The following ABCF2 variants were observed in gnomAD, a reference collection of about 807,000 sequenced individuals.
ABCF2 encodes the protein ATP-binding cassette sub-family F member 2.
A neutral mutation model predicts 76.9 loss-of-function variants in ABCF2; 37 were observed. The observed-to-expected ratio is 0.48, with a 90% CI of 0.37 to 0.63. The LOEUF is 0.63. Ranked by LOEUF, ABCF2 falls within the 30% of genes least tolerant of loss-of-function variation. The pLI is 0.00. For missense variants in ABCF2, 524 were observed against 782.1 expected, an observed-to-expected ratio of 0.67 and a Z score of 3.94; for synonymous variants, 299 against 283.7, an observed-to-expected ratio of 1.05 and a Z score of -0.54.
chr7:151,218,850 A>G lies in ABCF2; in HGVS notation c.1041T>C (p.His347=). 6.2e-7 allele frequency: 1 copy of G among 1,613,736 alleles called. No homozygotes were observed. Among genetic ancestry groups the G allele is most frequent in the Non-Finnish European group, 8.5e-7 (1 of 1,180,004 alleles). The change falls in exon 9 of 15, where the codon CAT becomes CAC. Residue 347 remains histidine, a synonymous_variant. Coordinates refer to ENST00000287844, the MANE Select transcript of ABCF2 (RefSeq NM_007189.3). ...HMKNYIARFG[H]GSAKLARQAQ... is the part of the protein sequence containing the mutation. ...CCTGCCGGGCCAGCTTGGCACTGCC[A>G]TGACCAAACCTCGCAATGTAGTTCT...
Position 151,214,814 on chromosome 7 carries a change from C to T in ABCF2, c.1734+65G>A. On this transcript the variant is annotated intron_variant, in intron 14 of 14. Coordinates refer to ENST00000287844, the MANE Select transcript of ABCF2 (RefSeq NM_007189.3). The surrounding 1 kb of genome is among the most constrained non-coding windows in gnomAD (Gnocchi z 4.9). Reference sequence around the variant, plus strand: ...GCGGGTATTATGCACCCTCCACATGCCATGACTACCCTACCCAACCCCCTA... The same window carrying T: ...GCGGGTATTATGCACCCTCCACATGTCATGACTACCCTACCCAACCCCCTA... 1 of 1,511,486 alleles carries T rather than the reference C, an allele frequency of 6.6e-7. No homozygotes were observed. The highest frequency in any genetic ancestry group is 2.3e-5 in the East Asian group (1 of 44,270). 93.6% of individuals were successfully genotyped at this position (1,511,486 alleles called of 1,614,324 possible). A position where few individuals can be genotyped will look rare whatever the true frequency, so the allele number is the denominator to read the frequency against.
In ABCF2 at chr7:151,211,641, A is replaced by G. The variant is rs1802047067; in HGVS notation, c.*2413T>C. 1.0e-6 allele frequency: 1 copy of G among 985,298 alleles called. No individual in the cohort carries two copies. The highest frequency in any genetic ancestry group is 1.7e-5 in the African/African-American group (1 of 57,278). 61.0% of individuals were successfully genotyped at this position (985,298 alleles called of 1,614,324 possible). A position where few individuals can be genotyped will look rare whatever the true frequency, so the allele number is the denominator to read the frequency against. On this transcript the variant is annotated 3_prime_UTR_variant, in exon 15 of 15. Coordinates refer to ENST00000287844, the MANE Select transcript of ABCF2 (RefSeq NM_007189.3). ...TGGAGACTCTGGAGATCCCGAGACT[A>G]CCTGAATTCTTAGCAATATCCAGCA...
Position 151,214,255 on chromosome 7 carries a change from T to C in ABCF2, c.1735-64A>G. 3.1e-6 allele frequency: 5 copies of C among 1,611,800 alleles called. No individual in the cohort carries two copies. Among genetic ancestry groups the C allele is most frequent in the Non-Finnish European group, 4.2e-6 (5 of 1,179,074 alleles). ...CTGTCCCTGCCTCTGCCCAGCAGAC[T>C]GTCCTGAGGGGCGTCTAGGAAGAAA... On this transcript the variant is annotated intron_variant, in intron 14 of 14. Coordinates refer to ENST00000287844, the MANE Select transcript of ABCF2 (RefSeq NM_007189.3). The surrounding 1 kb of genome is among the most constrained non-coding windows in gnomAD (Gnocchi z 4.9).
At chr7:151,223,156 A>T (rs1411440633) in intron 5 of ABCF2, among the ~76,000 whole-genome samples, 1 of 152,140 alleles carries the variant, frequency 6.6e-6, no homozygotes, top group Non-Finnish European at 1.5e-5. Flanking sequence ...AACTTTCTAG[A>T]GAAGTATATC....
chr7:151,217,182 C>T (rs191366455), intron 11 of ABCF2, among the ~76,000 whole-genome samples: 1 of 152,354 alleles, frequency 6.6e-6, no homozygotes, highest in East Asian at 1.9e-4. Context: ...GCCCATCCCA[C>T]AACCCAGGGA....
intron 6 of ABCF2, 148 bp from the exon 7 acceptor site, chr7:151,221,828 G>C (rs4726007): frequency 0.7 from 435,449 of 621,566 alleles, 154,527 homozygotes; most frequent in East Asian, 0.9. Flanking sequence ...CCTAAGCCAC[G>C]ACTCGACAAT....
In ABCF2 at chr7:151,212,565, C is replaced by G; in HGVS notation, c.*1489G>C. On this transcript the variant is annotated 3_prime_UTR_variant, in exon 15 of 15. Coordinates refer to ENST00000287844, the MANE Select transcript of ABCF2 (RefSeq NM_007189.3). ...TCAGGCTGGAGTGTAGCGGCACGCT[C>G]TGCTCACTGCAGCCTCAACCTCCTG... 1 of 911,486 alleles carries G rather than the reference C, an allele frequency of 1.1e-6. No homozygotes were observed. Among genetic ancestry groups the G allele is most frequent in the Non-Finnish European group, 1.3e-6 (1 of 762,586 alleles). 56.5% of individuals were successfully genotyped at this position (911,486 alleles called of 1,614,324 possible).
intron 10 of ABCF2, 152 bp downstream of exon 10, chr7:151,218,409 G>A: frequency 1.3e-6 from 1 of 749,998 alleles, no homozygotes; most frequent in Non-Finnish European, 2.2e-6. Context: ...CCCGCGAGCA[G>A]CCTTGGATGA....
intron 3 of ABCF2, 102 bp from the exon 4 acceptor site, chr7:151,224,216 T>G (rs1802330809): frequency 1.6e-6 from 2 of 1,243,234 alleles, no homozygotes; most frequent in Non-Finnish European, 2.2e-6. Context: ...ATCCATTTTT[T>G]TTTTTTTGAG....
At chr7:151,220,979 A>G (rs933769975) in intron 7 of ABCF2, among the ~76,000 whole-genome samples, 6 of 152,376 alleles carry the variant, frequency 3.9e-5, no homozygotes, top group South Asian at 4.1e-4. Context: ...TTCTGTTTCC[A>G]GAAAAAAAGA....
chr7:151,221,565 G>A lies in ABCF2; in HGVS notation c.921+13C>T, dbSNP rs181160942. 3.2e-4 allele frequency: 480 copies of A among 1,483,424 alleles called. 2 individuals carry two copies. In the Admixed American group the frequency reaches 5.5e-3, roughly 17 times the overall value. The allele number at this position is 1,483,424 out of a possible 1,614,324, so 91.9% of individuals were successfully genotyped here. A position where few individuals can be genotyped will look rare whatever the true frequency, so the allele number is the denominator to read the frequency against. On this transcript the variant is annotated intron_variant, in intron 7 of 14. Transcript: ENST00000287844. ...TGCACAGAGATTACCAGAAGAAGCCGAGGCCCACTCACCGTATAATACTTC... is the reference window on the plus strand; with the variant it reads ...TGCACAGAGATTACCAGAAGAAGCCAAGGCCCACTCACCGTATAATACTTC...
Position 151,218,885 on chromosome 7 carries a change from CAA to C in ABCF2, c.1018-14_1018-13del, listed in dbSNP as rs771603542. On this transcript the variant is annotated splice_polypyrimidine_tract_variant and intron_variant, in intron 8 of 14. Transcript: ENST00000287844. ...CTCGCAATGTAGTTCTAAAAAAGAC[CAA>C]AGAGAGCTTGGAGTATGTGCAGGCG... 2.5e-6 allele frequency: 4 copies of C among 1,612,984 alleles called. No homozygotes were observed. The African/African-American group carries it at 5.3e-5, about 22-fold the overall frequency.
At chr7:151,224,644 C>G in intron 3 of ABCF2, 132 bp downstream of exon 3, 1 of 824,926 alleles carries the variant, frequency 1.2e-6, no homozygotes, top group Non-Finnish European at 2.0e-6. Context: ...GTTCCTTTCC[C>G]CTGGACATAA....
chr7:151,219,145 C>G lies in ABCF2; in HGVS notation c.936G>C (p.Gln312His). Reference sequence around the variant, plus strand: ...CCAGCTCTAGCCGCGTCTTCACGTACTGATCATAATTACCCTGCATGGAAA... The same window carrying G: ...CCAGCTCTAGCCGCGTCTTCACGTAGTGATCATAATTACCCTGCATGGAAA... ...KLKYYTGNYD[Q>H]YVKTRLELEE... Residue 312 changes from glutamine to histidine, a missense_variant, in exon 8 of 15, where the codon CAG (glutamine) becomes CAC (histidine). Physicochemically the swap from Gln to His is conservative, Grantham distance 24. This residue lies in a region of ABCF2 where 330 missense variants were observed against 433.6 expected (regional missense o/e 0.76). Transcript: ENST00000287844. The G allele has an allele frequency of 1.2e-6, 2 of 1,613,958 alleles. No individual in the cohort carries two copies. The highest frequency in any genetic ancestry group is 1.7e-6 in the Non-Finnish European group (2 of 1,179,966).
Position 151,213,771 on chromosome 7 carries a change from A to G in ABCF2, c.*283T>C, listed in dbSNP as rs147217005. ...CTAACCCGCAGGTGCCTCTGACTGCATCACACTCAGAGTAAGATAACCAGC... is the reference window on the plus strand; with the variant it reads ...CTAACCCGCAGGTGCCTCTGACTGCGTCACACTCAGAGTAAGATAACCAGC... On this transcript the variant is annotated 3_prime_UTR_variant, in exon 15 of 15. Transcript: ENST00000287844. 2 of 1,218,062 alleles carry G rather than the reference A, an allele frequency of 1.6e-6. No homozygotes were observed. Among genetic ancestry groups the G allele is most frequent in the Non-Finnish European group, 2.0e-6 (2 of 975,674 alleles). The allele number at this position is 1,218,062 out of a possible 1,614,324, so 75.5% of individuals were successfully genotyped here.
chr7:151,221,440 G>A (rs926547884), intron 7 of ABCF2, 138 bp downstream of exon 7: 9 of 567,814 alleles, frequency 1.6e-5, no homozygotes, highest in Admixed American at 1.1e-4. Context: ...GACCTCAAGT[G>A]ACCCACCCAC....
rs1362278283 is a variant in ABCF2 at position 151,213,203 on chromosome 7, A to G, written c.*851T>C. On this transcript the variant is annotated 3_prime_UTR_variant, in exon 15 of 15. Coordinates refer to ENST00000287844, the MANE Select transcript of ABCF2 (RefSeq NM_007189.3). The stretch of plus-strand genomic sequence containing the variant: ...ACAGCATCACCTGGAAACTTGCTAG[A>G]AATGTTAACGTTCTTGGTCTCCCCC... The G allele has an allele frequency of 2.0e-6, 2 of 983,388 alleles. No individual in the cohort carries two copies. Among genetic ancestry groups the G allele is most frequent in the Non-Finnish European group, 2.4e-6 (2 of 828,218 alleles). The allele number at this position is 983,388 out of a possible 1,614,324, so 60.9% of individuals were successfully genotyped here.
At position 151,215,273 on chromosome 7, in the gene ABCF2, A is replaced by G. The variant is rs999048588; in HGVS notation, c.1531-191T>C. ...GAAACCTGAAGCCCTTGCCATTACT[A>G]AGCCCACACCTCTCGCTCTCTTGGC... On this transcript the variant is annotated intron_variant, in intron 13 of 14. Coordinates refer to ENST00000287844, the MANE Select transcript of ABCF2 (RefSeq NM_007189.3). The surrounding 1 kb of genome is among the most constrained non-coding windows in gnomAD (Gnocchi z 4.6). 6.6e-6 allele frequency among the ~76,000 whole-genome samples: 1 copy of G among 152,100 alleles called. No homozygotes were observed. Among genetic ancestry groups the G allele is most frequent in the African/African-American group, 2.4e-5 (1 of 41,408 alleles).
Position 151,215,707 on chromosome 7 carries a change from T to C in ABCF2, c.1427A>G (p.Asp476Gly). The C allele has an allele frequency of 6.2e-7, 1 of 1,614,162 alleles. No homozygotes were observed. The highest frequency in any genetic ancestry group is 1.3e-5 in the African/African-American group (1 of 75,032). ...CATCATGTACTCCAAAGGTGAGAGA[T>C]CTAAGTCCAGCTGCTCTTGTAAATG... ...HQHLQEQLDL[D>G]LSPLEYMMKC... The change falls in exon 13 of 15, where the codon GAT (aspartate) becomes GGT (glycine). Residue 476 changes from aspartate (D) to glycine (G), a missense_variant. This residue lies in a region of ABCF2 where 194 missense variants were observed against 348.6 expected (regional missense o/e 0.56). Transcript: ENST00000287844. The surrounding 1 kb of genome is among the most constrained non-coding windows in gnomAD (Gnocchi z 4.6).
Sources: allele counts gnomAD v4.1 joint callset (sites outside exome capture counted in the v4.1 genomes callset), GRCh38; gene constraint gnomAD v4.1.1; regional missense constraint gnomAD v4.1.1; non-coding constraint Gnocchi (gnomAD v3.1); transcripts MANE v1.5; gene names NCBI Gene and HGNC (gene_info 2026-07-23, HGNC 2026-07-21).